Variants in ADAMTS20 observed in about 807,000 individuals in gnomAD.
The protein encoded by ADAMTS20 is A disintegrin and metalloproteinase with thrombospondin motifs 20.
A neutral mutation model predicts 260.1 loss-of-function variants in ADAMTS20; 225 were observed. That is an observed-to-expected ratio of 0.87 (90% CI 0.78 to 0.97). The LOEUF (loss-of-function observed/expected upper bound fraction) is 0.97, where lower values mean the gene tolerates loss of function less well. ADAMTS20 is among the 50% of genes least tolerant of loss of function. The pLI is 0.00. For missense variants in ADAMTS20, 2,400 were observed against 2,337.7 expected (o/e 1.03, Z -0.55); for synonymous variants, 802 against 769.5 (o/e 1.04, Z -0.70).
chr12:43,460,131 T>A (rs1173002181), intron 11 of ADAMTS20, among the ~76,000 whole-genome samples: 1 of 152,258 alleles, frequency 6.6e-6, no homozygotes, highest in Non-Finnish European at 1.5e-5. Flanking sequence ...AGGGGTTCAC[T>A]GTGTTTTATT....
At chr12:43,535,854 G>A (rs973527687) in intron 2 of ADAMTS20, among the ~76,000 whole-genome samples, 2 of 152,006 alleles carry the variant, frequency 1.3e-5, no homozygotes, top group African/African-American at 4.8e-5. Flanking sequence ...AACTTTGAAA[G>A]ACTGAACAAT....
intron 3 of ADAMTS20, among the ~76,000 whole-genome samples, chr12:43,510,485 A>G (rs1311117469): frequency 6.6e-6 from 1 of 151,986 alleles, no homozygotes; most frequent in Non-Finnish European, 1.5e-5. Flanking sequence ...TGGTGTTACA[A>G]ATGTTGATAC....
At chr12:43,462,655 T>C (rs769299563) in intron 11 of ADAMTS20, among the ~76,000 whole-genome samples, 1 of 152,242 alleles carries the variant, frequency 6.6e-6, no homozygotes, top group Non-Finnish European at 1.5e-5. Context: ...TATATCCATG[T>C]AATTATTTAT....
At position 43,376,277 on chromosome 12, in the gene ADAMTS20, C is replaced by A; in HGVS notation, c.5179G>T (p.Asp1727Tyr). Residue 1727 changes from aspartate to tyrosine, a missense_variant, in exon 34 of 39, where the codon GAT becomes TAT. By Grantham distance (160) the Asp-to-Tyr change is radical. Coordinates refer to ENST00000389420, the MANE Select transcript of ADAMTS20 (RefSeq NM_025003.5). The part of the protein sequence containing the change: ...EIQVKNHIRK[D>Y]GDYYLNIKGR... ...TTAATGTTAAGGTAATAGTCACCAT[C>A]CTTTCTAATGTGGTTTTTCACTTGA... The A allele has an allele frequency of 6.4e-7, 1 of 1,555,924 alleles. No homozygotes were observed. The highest frequency in any genetic ancestry group is 2.0e-5 in the Admixed American group (1 of 51,244).
chr12:43,490,469 G>A, intron 6 of ADAMTS20, 34 bp from the exon 7 acceptor site: 3 of 1,197,948 alleles, frequency 2.5e-6, no homozygotes, highest in Non-Finnish European at 2.3e-6. Flanking sequence ...AAGCATTTTT[G>A]GAAAATATTT....
In ADAMTS20 at chr12:43,551,109, A is replaced by G; in HGVS notation, c.253T>C (p.Tyr85His). The G allele has an allele frequency of 6.2e-7, 1 of 1,613,960 alleles. No individual in the cohort carries two copies. Among genetic ancestry groups the G allele is most frequent in the African/African-American group, 1.3e-5 (1 of 75,062 alleles). The change falls in exon 2 of 39, where the codon TAC (tyrosine) becomes CAC (histidine). Residue 85 changes from tyrosine (Y) to histidine (H), a missense_variant. Transcript: ENST00000389420. This position sits in a 1 kb window ranked among gnomAD's most constrained non-coding sequence, Gnocchi z 4.6. ...PFRTHYRFTAYGQLFQLNLTA... is the reference protein window; with the variant it reads ...PFRTHYRFTAHGQLFQLNLTA... ...AGGTTCAGCTGGAAGAGCTGCCCGT[A>G]GGCAGTGAAGCGATAGTGGGTTCGG...
chr12:43,363,427 A>G (rs1414848631), intron 37 of ADAMTS20, among the ~76,000 whole-genome samples: 1 of 152,150 alleles, frequency 6.6e-6, no homozygotes, highest in Non-Finnish European at 1.5e-5. Flanking sequence ...TGTCCCCACA[A>G]AAAATCACTG....
intron 18 of ADAMTS20, among the ~76,000 whole-genome samples, chr12:43,436,284 G>A (rs965150644): frequency 6.6e-6 from 1 of 152,174 alleles, no homozygotes; most frequent in Non-Finnish European, 1.5e-5. Flanking sequence ...GGGCGAATGT[G>A]TGAGGGGTAG....
chr12:43,460,891 C>T (rs1044276764), intron 11 of ADAMTS20, among the ~76,000 whole-genome samples: 3 of 141,370 alleles, frequency 2.1e-5, no homozygotes. Flanking sequence ...AAACGAATCT[C>T]TGGAAATAAA....
At position 43,446,718 on chromosome 12, in the gene ADAMTS20, A is replaced by G; in HGVS notation, c.2080-6T>C. The stretch of plus-strand genomic sequence containing the variant: ...ACGTGATCACAACCAGCTGCCTTCA[A>G]GACACAATTACAATCAATATTATAA... On this transcript the variant is annotated splice_region_variant and splice_polypyrimidine_tract_variant and intron_variant, in intron 14 of 38. Coordinates refer to ENST00000389420, the MANE Select transcript of ADAMTS20 (RefSeq NM_025003.5). 6.2e-7 allele frequency: 1 copy of G among 1,602,410 alleles called. No homozygotes were observed. Among genetic ancestry groups the G allele is most frequent in the Non-Finnish European group, 8.5e-7 (1 of 1,169,888 alleles).
At chr12:43,519,855 C>A (rs1351531435) in intron 3 of ADAMTS20, among the ~76,000 whole-genome samples, 2 of 152,040 alleles carry the variant, frequency 1.3e-5, no homozygotes, top group Non-Finnish European at 2.9e-5. Flanking sequence ...AAGTTACAAC[C>A]TTAATATCAC....
chr12:43,509,593 C>A lies in ADAMTS20; in HGVS notation c.614-7188G>T, dbSNP rs954354860. Among the ~76,000 whole-genome samples the A allele has an allele frequency of 2.6e-5, 4 of 151,904 alleles. No individual in the cohort carries two copies. In the East Asian group the frequency reaches 7.7e-4, roughly 29 times the overall value. On this transcript the variant is annotated intron_variant, in intron 3 of 38. Transcript: ENST00000389420. The stretch of plus-strand genomic sequence containing the variant: ...TAAAAACTAAAATAAAAATATATGT[C>A]ATATATGGGTATAATAACATCACGT...
intron 2 of ADAMTS20, among the ~76,000 whole-genome samples, chr12:43,546,136 A>C (rs1029431111): frequency 6.6e-6 from 1 of 152,236 alleles, no homozygotes; most frequent in African/African-American, 2.4e-5. Flanking sequence ...GCCAGAATAC[A>C]CAAAAAACAG....
intron 3 of ADAMTS20, among the ~76,000 whole-genome samples, chr12:43,528,347 G>GAAAAAAAAAAAAAAAAAAAAAAAAAAAA (rs1565583137): frequency 8.7e-4 from 2 of 2,306 alleles, no homozygotes; most frequent in African/African-American, 1.5e-3. Context: ...GCAATCCTAA[G>GAAAAAAAAAAAAAAAAAAAAAAAAAAAA]CAAAAAAAAA....
chr12:43,362,278 G>A (rs1465906588), intron 37 of ADAMTS20, among the ~76,000 whole-genome samples: 5 of 152,284 alleles, frequency 3.3e-5, no homozygotes, highest in Admixed American at 1.3e-4. Flanking sequence ...TTAAGAACAC[G>A]TATAAAAAGA....
rs1024410550 is a variant in ADAMTS20 at position 43,464,597 on chromosome 12, G to A, written c.1503C>T (p.Pro501=). 1 of 1,611,758 alleles carries A rather than the reference G, an allele frequency of 6.2e-7. No individual in the cohort carries two copies. Among genetic ancestry groups the A allele is most frequent in the Non-Finnish European group, 8.5e-7 (1 of 1,179,006 alleles). ...LAFGPGSQMC[P]HINICMHLWC... ...AGGAATTTTCTTTTCTTACTATATG[G>A]GGACACATTTGTGACCCAGGACCAA... Residue 501 remains proline (P), a synonymous_variant, in exon 10 of 39, where the codon CCC becomes CCT. Transcript: ENST00000389420.
intron 28 of ADAMTS20, among the ~76,000 whole-genome samples, chr12:43,413,713 T>G (rs2137276164): frequency 6.6e-6 from 1 of 152,352 alleles, no homozygotes; most frequent in South Asian, 2.1e-4. Flanking sequence ...CTACTGATTT[T>G]GAATGGATTC....
chr12:43,352,912 A>G (rs527886647), downstream of ADAMTS20, among the ~76,000 whole-genome samples: 1 of 152,196 alleles, frequency 6.6e-6, no homozygotes, highest in Non-Finnish European at 1.5e-5. Context: ...CTTTTGATAC[A>G]GACATCTTCA....
chr12:43,388,774 C>T (rs1940537056), intron 29 of ADAMTS20, among the ~76,000 whole-genome samples: 1 of 152,144 alleles, frequency 6.6e-6, no homozygotes. Flanking sequence ...TAACAAAATA[C>T]CATAAACAGA....
Sources: allele counts gnomAD v4.1 joint callset (sites outside exome capture counted in the v4.1 genomes callset), GRCh38; gene constraint gnomAD v4.1.1; non-coding constraint Gnocchi (gnomAD v3.1); transcripts MANE v1.5; gene names NCBI Gene and HGNC (gene_info 2026-07-23, HGNC 2026-07-21).